The following TCF4 variants were observed in gnomAD, a reference collection of about 807,000 sequenced individuals.
The protein encoded by TCF4 is SL3-3 enhancer factor 2.
Under a neutral mutation model 82.1 loss-of-function variants are expected in TCF4, and 3 were observed. The ratio of observed to expected loss-of-function variants is 0.04; its 90% CI spans 0.02 to 0.09. The LOEUF (loss-of-function observed/expected upper bound fraction) is 0.09, where lower values mean the gene tolerates loss of function less well. Among genes scored for constraint, TCF4 ranks in the 10% least tolerant of loss-of-function variants. The pLI is 1.00. For synonymous variants in TCF4, 276 were observed against 309.6 expected (o/e 0.89, Z 1.14); for missense variants, 518 against 852.7 (o/e 0.61, Z 4.89).
At chr18:55,355,493 G>A (rs557451277) in intron 6 of TCF4, among the ~76,000 whole-genome samples, 4 of 152,200 alleles carry the variant, frequency 2.6e-5, no homozygotes, top group Admixed American at 1.3e-4. Flanking sequence ...GGAGGGGGGC[G>A]ATAATTTTGC....
chr18:55,400,228 C>A (rs113426779), intron 6 of TCF4, among the ~76,000 whole-genome samples: 2,793 of 152,192 alleles, frequency 0.018, 101 homozygotes, highest in African/African-American at 0.063. Context: ...TAAGGTTGGA[C>A]TAGCTTGCAA....
rs189291025 is a variant in TCF4, at chr18:55,427,069, G to A, written c.305-23551C>T. Among the ~76,000 whole-genome samples the A allele has an allele frequency of 2.2e-4, 33 of 152,256 alleles. No homozygotes were observed. The East Asian group carries it at 6.0e-3, about 28-fold the overall frequency. ...ATCATTTCAAGGATATCTACCTCTT[G>A]AGAATATAAGGGGGAAAAAAACTTT... On this transcript the variant is annotated intron_variant, in intron 5 of 19. Transcript: ENST00000354452.
chr18:55,587,490 A>G (rs1378762478), intron 1 of TCF4, among the ~76,000 whole-genome samples: 1 of 150,736 alleles, frequency 6.6e-6, no homozygotes, highest in Non-Finnish European at 1.5e-5. Context: ...AACAGGAGGT[A>G]GAGCGAGAAA....
chr18:55,427,841 A>G (rs761623631), intron 5 of TCF4, among the ~76,000 whole-genome samples: 1 of 152,236 alleles, frequency 6.6e-6, no homozygotes, highest in Non-Finnish European at 1.5e-5. Flanking sequence ...TGAACAGACC[A>G]AGAAATGTGT....
chr18:55,398,193 G>A (rs893896469), intron 6 of TCF4, among the ~76,000 whole-genome samples: 7 of 151,990 alleles, frequency 4.6e-5, no homozygotes, highest in East Asian at 1.9e-4. Context: ...GATAAGTACC[G>A]GCTGACTTTT....
chr18:55,535,300 G>T (rs2097105343), intron 3 of TCF4, among the ~76,000 whole-genome samples: 1 of 152,144 alleles, frequency 6.6e-6, no homozygotes, highest in Admixed American at 6.5e-5. Context: ...GAAGATATAA[G>T]GGTCTGTCAT....
intron 5 of TCF4, among the ~76,000 whole-genome samples, chr18:55,454,097 G>A (rs1005161362): frequency 4.6e-5 from 7 of 151,922 alleles, no homozygotes; most frequent in African/African-American, 9.7e-5. Flanking sequence ...ACTTGGGCTC[G>A]AGCAATCCTT....
intron 8 of TCF4, among the ~76,000 whole-genome samples, chr18:55,305,160 T>C (rs912561587): frequency 8.5e-5 from 13 of 152,222 alleles, no homozygotes; most frequent in African/African-American, 2.9e-4. Flanking sequence ...AATGGAATTG[T>C]CGTCTTCCTC....
chr18:55,333,173 GAGA>G (rs1340181563), intron 8 of TCF4, among the ~76,000 whole-genome samples: 1 of 152,058 alleles, frequency 6.6e-6, no homozygotes, highest in Non-Finnish European at 1.5e-5. Context: ...TGATATCAAA[GAGA>G]CACCTGGTAG....
chr18:55,316,281 C>A (rs2074117109), intron 8 of TCF4, among the ~76,000 whole-genome samples: 1 of 152,066 alleles, frequency 6.6e-6, no homozygotes, highest in Non-Finnish European at 1.5e-5. Context: ...ATTCTAACAA[C>A]TTTTACAATT....
intron 6 of TCF4, among the ~76,000 whole-genome samples, chr18:55,379,582 GCATAGC>G (rs1408690743): frequency 6.6e-6 from 1 of 152,132 alleles, no homozygotes; most frequent in African/African-American, 2.4e-5. Context: ...GCCTCCAAGT[GCATAGC>G]CATTCCCCAG....
At chr18:55,288,373 C>G (rs1387855322) in intron 8 of TCF4, among the ~76,000 whole-genome samples, 5 of 152,196 alleles carry the variant, frequency 3.3e-5, no homozygotes, top group Non-Finnish European at 2.9e-5. Context: ...CCTATTGTTG[C>G]ATGATCATCC....
At chr18:55,460,329 A>G (rs1219003143) in intron 5 of TCF4, among the ~76,000 whole-genome samples, 1 of 151,882 alleles carries the variant, frequency 6.6e-6, no homozygotes, top group African/African-American at 2.4e-5. Flanking sequence ...TCATCTTTTC[A>G]TTGCTCAAGT....
At chr18:55,360,961 G>A (rs373441645) in intron 6 of TCF4, among the ~76,000 whole-genome samples, 2 of 151,908 alleles carry the variant, frequency 1.3e-5, no homozygotes, top group East Asian at 1.9e-4. Flanking sequence ...TCTTGACCTC[G>A]TGATCCACCC....
At chr18:55,428,341 G>C (rs939308545) in intron 5 of TCF4, among the ~76,000 whole-genome samples, 1 of 152,044 alleles carries the variant, frequency 6.6e-6, no homozygotes, top group African/African-American at 2.4e-5. Context: ...TAGGCTCAAG[G>C]CCCACCTGTT....
At chr18:55,630,115 G>T (rs1480202843) in intron 2 of TCF4, among the ~76,000 whole-genome samples, 1 of 152,082 alleles carries the variant, frequency 6.6e-6, no homozygotes, top group Non-Finnish European at 1.5e-5. Flanking sequence ...GCAAAGGTTT[G>T]TTTTTTAAAA....
At chr18:55,370,846 C>T (rs2088917013) in intron 6 of TCF4, among the ~76,000 whole-genome samples, 1 of 152,102 alleles carries the variant, frequency 6.6e-6, no homozygotes, top group African/African-American at 2.4e-5. Context: ...AAATAATGAA[C>T]AGAGAACAGG....
chr18:55,446,138 C>G (rs1471373657), intron 5 of TCF4, among the ~76,000 whole-genome samples: 1 of 152,150 alleles, frequency 6.6e-6, no homozygotes, highest in Non-Finnish European at 1.5e-5. Context: ...GCCTCCCCTG[C>G]CTCCTTTAGG....
chr18:55,243,591 T>C (rs1407578679), intron 15 of TCF4, among the ~76,000 whole-genome samples: 2 of 145,678 alleles, frequency 1.4e-5, no homozygotes, highest in African/African-American at 2.4e-5. Flanking sequence ...ACTCGTTTTT[T>C]GTTTGTTTGT....
Sources: gnomAD v4.1 joint callset for allele counts (sites outside exome capture counted in the v4.1 genomes callset) on GRCh38, gnomAD v4.1.1 for gene constraint, MANE v1.5 for transcripts, NCBI Gene and HGNC (gene_info 2026-07-23, HGNC 2026-07-21) for gene names.